The following SUMF1 variants were observed in gnomAD, a reference collection of about 807,000 sequenced individuals.
SUMF1 encodes the protein formylglycine-generating enzyme.
SUMF1 carries 48 observed loss-of-function variants against 47.6 expected under a neutral mutation model. The observed-to-expected ratio is 1.01, with a 90% CI of 0.80 to 1.28. SUMF1 has a LOEUF of 1.28. SUMF1 is among the 50% of genes most tolerant of loss of function. The pLI, the probability that SUMF1 is intolerant of heterozygous loss-of-function variation, is 0.00. For synonymous variants in SUMF1, 230 were observed against 192.1 expected (o/e 1.20, Z -1.63); for missense variants, 571 against 485.4 (o/e 1.18, Z -1.66).
At chr3:4,199,858 T>A (rs191811952) in intron 8 of SUMF1, among the ~76,000 whole-genome samples, 92 of 152,296 alleles carry the variant, frequency 6.0e-4, no homozygotes, top group Middle Eastern at 3.4e-3. Context: ...GGTCTTTTCG[T>A]ACCTGGACAT....
intron 8 of SUMF1, among the ~76,000 whole-genome samples, chr3:4,197,845 G>A (rs562452107): frequency 8.5e-5 from 13 of 152,172 alleles, no homozygotes; most frequent in African/African-American, 2.9e-4. Context: ...TGCCACTATC[G>A]CTGCTTCAAC....
In SUMF1 at chr3:4,128,833, A is replaced by C. The variant is rs77013533; in HGVS notation, c.1015-60088T>G. Among the ~76,000 whole-genome samples, 979 of 152,204 alleles carry C rather than the reference A, an allele frequency of 6.4e-3. 19 individuals are homozygous for C. The highest frequency in any genetic ancestry group is 0.023 in the African/African-American group (941 of 41,522). Reference sequence around the variant, plus strand: ...GAGTTGGATCAGGCTGAATGTATTAATTTGGGCCCACTAAGTAGGGACTCT... The same window carrying C: ...GAGTTGGATCAGGCTGAATGTATTACTTTGGGCCCACTAAGTAGGGACTCT... On this transcript the variant is annotated intron_variant and NMD_transcript_variant, in intron 8 of 12. Coordinates refer to the SUMF1 transcript ENST00000448413.
chr3:4,173,319 A>C (rs1559535144), intron 8 of SUMF1, among the ~76,000 whole-genome samples: 1 of 152,138 alleles, frequency 6.6e-6, no homozygotes, highest in Non-Finnish European at 1.5e-5. Context: ...GCAAATCAAA[A>C]CCACAATGAG....
chr3:4,133,997 A>C (rs1016630920), intron 8 of SUMF1, among the ~76,000 whole-genome samples: 2 of 152,012 alleles, frequency 1.3e-5, no homozygotes, highest in African/African-American at 2.4e-5. Context: ...TGCCACTAGA[A>C]GGGGCACACA....
At chr3:4,322,670 A>G (rs1353437630) in intron 8 of SUMF1, among the ~76,000 whole-genome samples, 1 of 152,046 alleles carries the variant, frequency 6.6e-6, no homozygotes, top group Non-Finnish European at 1.5e-5. Context: ...AAAAAAAAAA[A>G]AAGAAAGAAA....
intron 8 of SUMF1, among the ~76,000 whole-genome samples, chr3:4,174,351 G>A (rs1482790075): frequency 1.2e-3 from 61 of 50,736 alleles, no homozygotes; most frequent in Non-Finnish European, 1.7e-3. Context: ...GCGAGACTCC[G>A]TCTCCAAAAA....
At chr3:4,402,618 A>G (rs1258097146) in intron 7 of SUMF1, among the ~76,000 whole-genome samples, 2 of 152,210 alleles carry the variant, frequency 1.3e-5, no homozygotes, top group Admixed American at 6.5e-5. Flanking sequence ...AATGACTTTA[A>G]AACAACCAAA....
At chr3:4,167,063 G>A (rs558739246) in intron 8 of SUMF1, among the ~76,000 whole-genome samples, 69 of 152,118 alleles carry the variant, frequency 4.5e-4, no homozygotes, top group African/African-American at 1.4e-3. Context: ...GCGATACCCC[G>A]GATAAGCCCC....
At chr3:4,339,905 C>G (rs1055090597) in intron 8 of SUMF1, among the ~76,000 whole-genome samples, 2 of 152,078 alleles carry the variant, frequency 1.3e-5, no homozygotes, top group Admixed American at 6.6e-5. Flanking sequence ...GGCAAAACCC[C>G]ACCTCTACAA....
chr3:4,236,707 C>T (rs1696417889), intron 8 of SUMF1, among the ~76,000 whole-genome samples: 1 of 152,154 alleles, frequency 6.6e-6, no homozygotes, highest in Non-Finnish European at 1.5e-5. Context: ...ACATCCTGTG[C>T]TAGAGCAGTA....
chr3:4,073,974 C>A (rs1022220329), intron 8 of SUMF1, among the ~76,000 whole-genome samples: 8 of 152,154 alleles, frequency 5.3e-5, no homozygotes, highest in African/African-American at 1.9e-4. Flanking sequence ...GAAATCAGCT[C>A]TGGACCATGC....
At chr3:4,266,140 G>C (rs1178230529) in intron 8 of SUMF1, among the ~76,000 whole-genome samples, 3 of 152,176 alleles carry the variant, frequency 2.0e-5, no homozygotes, top group Non-Finnish European at 4.4e-5. Context: ...TAGCCTTGTA[G>C]TATAGTTTGA....
intron 8 of SUMF1, among the ~76,000 whole-genome samples, chr3:4,207,010 C>T (rs559525914): frequency 3.3e-5 from 5 of 152,160 alleles, no homozygotes; most frequent in African/African-American, 7.2e-5. Flanking sequence ...CACCTACTTA[C>T]GTCTCATTAA....
chr3:4,359,574 G>A (rs1559242565), downstream of SUMF1, among the ~76,000 whole-genome samples: 1 of 152,146 alleles, frequency 6.6e-6, no homozygotes, highest in African/African-American at 2.4e-5. Context: ...TTGACTCACA[G>A]TTCCACATGG....
At chr3:4,452,738 A>G (rs1050642941) in intron 2 of SUMF1, 138 bp downstream of exon 2, 2 of 1,079,814 alleles carry the variant, frequency 1.9e-6, no homozygotes, top group African/African-American at 3.1e-5. Flanking sequence ...ATTAAGATGA[A>G]ATATATACAA....
rs1405338899 is a variant in SUMF1 at position 4,303,594 on chromosome 3, C to T, written c.1014+72736G>A. 9 of 1,374,846 alleles carry T rather than the reference C, an allele frequency of 6.5e-6. No individual in the cohort carries two copies. The Admixed American group carries it at 1.5e-4, about 23-fold the overall frequency. 85.2% of individuals were successfully genotyped at this position (1,374,846 alleles called of 1,614,324 possible). ...CCCCCACGTGGTCTCCTCAAGCCGC[C>T]TCGCTGGGACGGCCTCCCAGTCGCG... On this transcript the variant is annotated intron_variant and NMD_transcript_variant, in intron 8 of 12. Coordinates refer to the SUMF1 transcript ENST00000448413.
intron 7 of SUMF1, among the ~76,000 whole-genome samples, chr3:4,400,448 ACT>A (rs1701174477): frequency 6.6e-6 from 1 of 152,220 alleles, no homozygotes. Context: ...GGAGGCAAGG[ACT>A]GCGTGATGTT....
intron 8 of SUMF1, among the ~76,000 whole-genome samples, chr3:4,120,797 AAC>A (rs371706635): frequency 3.3e-4 from 51 of 152,282 alleles, no homozygotes; most frequent in Non-Finnish European, 6.5e-4. Flanking sequence ...GTGTCAGGAA[AAC>A]ACACAGTTTT....
intron 8 of SUMF1, among the ~76,000 whole-genome samples, chr3:4,330,583 G>A (rs1699029990): frequency 6.6e-6 from 1 of 152,176 alleles, no homozygotes; most frequent in South Asian, 2.1e-4. Flanking sequence ...TTCTCCACTT[G>A]GCCCCGCCCT....
Sources: gnomAD v4.1 joint callset for allele counts (sites outside exome capture counted in the v4.1 genomes callset) on GRCh38, gnomAD v4.1.1 for gene constraint, MANE v1.5 for transcripts, NCBI Gene and HGNC (gene_info 2026-07-23, HGNC 2026-07-21) for gene names.